The following CAMK2D variants were observed in gnomAD, a reference collection of about 807,000 sequenced individuals.
The protein encoded by CAMK2D is calcium/calmodulin-dependent protein kinase type II subunit delta.
A neutral mutation model predicts 84.0 loss-of-function variants in CAMK2D; 37 were observed. The ratio of observed to expected loss-of-function variants is 0.44; its 90% CI spans 0.34 to 0.58. The LOEUF is 0.58. CAMK2D is among the 20% of genes least tolerant of loss of function. CAMK2D has a pLI of 0.02. For synonymous variants in CAMK2D, 202 were observed against 212.5 expected, an observed-to-expected ratio of 0.95 and a Z score of 0.43; for missense variants, 448 against 652.5, an observed-to-expected ratio of 0.69 and a Z score of 3.41.
In CAMK2D at chr4:113,676,806, A is replaced by G. The variant is rs116572867; in HGVS notation, c.161-15034T>C. Among the ~76,000 whole-genome samples, 1,202 of 152,232 alleles carry G rather than the reference A, an allele frequency of 7.9e-3. 11 individuals carry two copies. Among genetic ancestry groups the G allele is most frequent in the African/African-American group, 0.028 (1,150 of 41,526 alleles). On this transcript the variant is annotated intron_variant, in intron 2 of 20. Transcript: ENST00000511664. ...TCTTGTCTCTTAAGCCTCTCCACATAATTTAGTTGCTTTTTCACAACTTAC... is the reference window on the plus strand; with the variant it reads ...TCTTGTCTCTTAAGCCTCTCCACATGATTTAGTTGCTTTTTCACAACTTAC...
Position 113,460,340 on chromosome 4 carries a change from A to T in CAMK2D, c.1212-99T>A, listed in dbSNP as rs1004885524. The stretch of plus-strand genomic sequence containing the variant: ...TTCTGATTTACCAGTCACTGAAGGA[A>T]AGAGCCTCTAAAAACACTTACATAC... On this transcript the variant is annotated intron_variant, in intron 17 of 20. Coordinates refer to ENST00000511664, the MANE Select transcript of CAMK2D (RefSeq NM_001321571.2). 2.9e-5 allele frequency: 22 copies of T among 764,896 alleles called. No individual in the cohort carries two copies. The Admixed American group carries it at 5.4e-4, about 19-fold the overall frequency. The allele number at this position is 764,896 out of a possible 1,614,324, so 47.4% of individuals were successfully genotyped here.
At chr4:113,746,409 C>A (rs914740466) in intron 2 of CAMK2D, among the ~76,000 whole-genome samples, 3 of 152,114 alleles carry the variant, frequency 2.0e-5, no homozygotes, top group African/African-American at 7.2e-5. Flanking sequence ...CACCCCTGTT[C>A]ATGCCTCAGA....
intron 4 of CAMK2D, among the ~76,000 whole-genome samples, chr4:113,558,801 G>A (rs1591219196): frequency 6.7e-6 from 1 of 149,216 alleles, no homozygotes; most frequent in Middle Eastern, 3.4e-3. Context: ...GAGCCTAGGA[G>A]TTCAAAAACA....
chr4:113,617,495 C>T (rs1237313524), intron 3 of CAMK2D, among the ~76,000 whole-genome samples: 1 of 151,432 alleles, frequency 6.6e-6, no homozygotes, highest in Non-Finnish European at 1.5e-5. Context: ...AGAAGAGAGA[C>T]ATCTGTCGTG....
chr4:113,500,393 A>C, intron 16 of CAMK2D, 70 bp downstream of exon 16: 1 of 878,430 alleles, frequency 1.1e-6, no homozygotes, highest in South Asian at 1.7e-5. Flanking sequence ...TAGTTATTTG[A>C]AGCACTTTTT....
chr4:113,724,821 C>T (rs1181210541), intron 2 of CAMK2D, among the ~76,000 whole-genome samples: 2 of 151,930 alleles, frequency 1.3e-5, no homozygotes, highest in Admixed American at 6.6e-5. Context: ...TTAGCACATA[C>T]ATTTAACACT....
At chr4:113,727,399 T>C (rs1436763720) in intron 2 of CAMK2D, among the ~76,000 whole-genome samples, 3 of 152,080 alleles carry the variant, frequency 2.0e-5, no homozygotes, top group Non-Finnish European at 4.4e-5. Context: ...CACACATACA[T>C]AGCCAATTAA....
At chr4:113,468,280 T>A (rs2097502428) in intron 16 of CAMK2D, among the ~76,000 whole-genome samples, 1 of 152,160 alleles carries the variant, frequency 6.6e-6, no homozygotes. Context: ...CAACACAAAT[T>A]GCCTTCTCTC....
At chr4:113,671,263 A>G (rs760178507) in intron 2 of CAMK2D, among the ~76,000 whole-genome samples, 4 of 152,210 alleles carry the variant, frequency 2.6e-5, no homozygotes, top group Non-Finnish European at 4.4e-5. Flanking sequence ...AATAAAGGGA[A>G]TGAAATGTAA....
intron 2 of CAMK2D, among the ~76,000 whole-genome samples, chr4:113,715,523 A>G (rs1275307556): frequency 6.6e-6 from 1 of 152,148 alleles, no homozygotes; most frequent in Non-Finnish European, 1.5e-5. Context: ...CAGTAACTAG[A>G]AAGTATACAT....
At chr4:113,691,597 A>T (rs1323907599) in intron 2 of CAMK2D, among the ~76,000 whole-genome samples, 1 of 152,064 alleles carries the variant, frequency 6.6e-6, no homozygotes, top group East Asian at 1.9e-4. Context: ...TATGAAAAGT[A>T]CAAAAATTAG....
At chr4:113,459,881 C>T (rs1451341327) in intron 18 of CAMK2D, among the ~76,000 whole-genome samples, 1 of 151,806 alleles carries the variant, frequency 6.6e-6, no homozygotes, top group Non-Finnish European at 1.5e-5. Context: ...CCGCCTCGGC[C>T]CCCAAAGCAC....
At chr4:113,549,949 T>C (rs535542125) in intron 5 of CAMK2D, among the ~76,000 whole-genome samples, 205 of 152,302 alleles carry the variant, frequency 1.3e-3, no homozygotes, top group African/African-American at 4.6e-3. Flanking sequence ...TTTTAAACCA[T>C]AGGAATCTTT....
intron 3 of CAMK2D, among the ~76,000 whole-genome samples, chr4:113,650,775 T>A (rs924682080): frequency 6.6e-6 from 1 of 152,206 alleles, no homozygotes; most frequent in Non-Finnish European, 1.5e-5. Context: ...CCTATGCCTA[T>A]GGAAATAATA....
intron 5 of CAMK2D, among the ~76,000 whole-genome samples, chr4:113,549,698 T>C (rs562124694): frequency 3.9e-5 from 6 of 152,320 alleles, no homozygotes; most frequent in Non-Finnish European, 5.9e-5. Flanking sequence ...CATTTATTCA[T>C]TGAAAGATGA....
At chr4:113,569,812 C>T (rs1489486342) in intron 4 of CAMK2D, among the ~76,000 whole-genome samples, 1 of 152,080 alleles carries the variant, frequency 6.6e-6, no homozygotes, top group Non-Finnish European at 1.5e-5. Flanking sequence ...CAAATATAAA[C>T]ATATGAGTCG....
chr4:113,698,776 T>C (rs886769165), intron 2 of CAMK2D, among the ~76,000 whole-genome samples: 6 of 152,128 alleles, frequency 3.9e-5, no homozygotes, highest in Non-Finnish European at 8.8e-5. Context: ...CAGAACAGTT[T>C]ACAGAGTGTG....
At chr4:113,478,667 T>C (rs1300146797) in intron 16 of CAMK2D, among the ~76,000 whole-genome samples, 1 of 152,224 alleles carries the variant, frequency 6.6e-6, no homozygotes, top group African/African-American at 2.4e-5. Flanking sequence ...TACTGTTTAG[T>C]AATATGTTTA....
At chr4:113,508,057 A>G (rs973886731) in intron 13 of CAMK2D, among the ~76,000 whole-genome samples, 1 of 152,228 alleles carries the variant, frequency 6.6e-6, no homozygotes, top group African/African-American at 2.4e-5. Flanking sequence ...AACAAATTCA[A>G]TTTCAGAGAA....
Sources: gnomAD v4.1 joint callset for allele counts (sites outside exome capture counted in the v4.1 genomes callset) on GRCh38, gnomAD v4.1.1 for gene constraint, MANE v1.5 for transcripts, NCBI Gene and HGNC (gene_info 2026-07-23, HGNC 2026-07-21) for gene names.